BAIAP2L1: variants seen among roughly 807,000 people sequenced by gnomAD.
BAIAP2L1 encodes the protein BAR/IMD domain containing adaptor protein 2 like 1.
A neutral mutation model predicts 66.3 loss-of-function variants in BAIAP2L1; 35 were observed. That is an observed-to-expected ratio of 0.53 (90% CI 0.40 to 0.70). The LOEUF (loss-of-function observed/expected upper bound fraction) is 0.70, where lower values mean the gene tolerates loss of function less well. Ranked by LOEUF, BAIAP2L1 falls within the 30% of genes least tolerant of loss-of-function variation. The pLI, the probability that BAIAP2L1 is intolerant of heterozygous loss-of-function variation, is 0.00. For missense variants in BAIAP2L1, 622 were observed against 656.9 expected (o/e 0.95, Z 0.58); for synonymous variants, 269 against 248.7 (o/e 1.08, Z -0.77).
intron 3 of BAIAP2L1, among the ~76,000 whole-genome samples, chr7:98,321,693 T>C (rs1042081544): frequency 6.6e-6 from 1 of 151,996 alleles, no homozygotes; most frequent in Non-Finnish European, 1.5e-5. Context: ...ACCTAAGAAA[T>C]GGAGAAACAC....
At chr7:98,352,055 T>C (rs988816501) in intron 3 of BAIAP2L1, among the ~76,000 whole-genome samples, 4 of 151,458 alleles carry the variant, frequency 2.6e-5, no homozygotes, top group African/African-American at 9.7e-5. Flanking sequence ...TCTTGGAAGA[T>C]GAGAAAAATA....
chr7:98,312,715 G>A (rs1234214990), intron 7 of BAIAP2L1, among the ~76,000 whole-genome samples: 1 of 151,618 alleles, frequency 6.6e-6, no homozygotes, highest in South Asian at 2.1e-4. Context: ...TTAGAGAAGT[G>A]AATCAGACAC....
intron 1 of BAIAP2L1, among the ~76,000 whole-genome samples, chr7:98,383,720 G>A (rs1189759466): frequency 5.9e-5 from 9 of 152,230 alleles, no homozygotes; most frequent in African/African-American, 1.7e-4. Flanking sequence ...GTGTACTTAC[G>A]TTTCATTCCA....
chr7:98,296,883 C>T (rs948734926), intron 12 of BAIAP2L1, among the ~76,000 whole-genome samples: 3 of 152,304 alleles, frequency 2.0e-5, no homozygotes, highest in Admixed American at 6.5e-5. Context: ...ATCCTCCCTG[C>T]GTCCCTGTCT....
chr7:98,313,678 G>C (rs914571419), intron 7 of BAIAP2L1, among the ~76,000 whole-genome samples: 7 of 152,104 alleles, frequency 4.6e-5, no homozygotes, highest in South Asian at 2.1e-4. Context: ...GAGTGCACTG[G>C]CACAATCACA....
At chr7:98,299,298 T>C (rs66548074) in intron 12 of BAIAP2L1, among the ~76,000 whole-genome samples, 61,143 of 151,940 alleles carry the variant, frequency 0.4, 13,414 homozygotes, top group Middle Eastern at 0.54. Context: ...GGATTACAGG[T>C]GTGAGCCACC....
intron 1 of BAIAP2L1, among the ~76,000 whole-genome samples, chr7:98,383,663 T>C (rs1377286665): frequency 1.3e-5 from 2 of 152,190 alleles, no homozygotes; most frequent in Non-Finnish European, 2.9e-5. Context: ...CCTCTTTGTG[T>C]AAGTTTGTGC....
intron 3 of BAIAP2L1, among the ~76,000 whole-genome samples, chr7:98,334,555 G>GT (rs546166849): frequency 8.6e-4 from 130 of 151,956 alleles, no homozygotes; most frequent in African/African-American, 3.1e-3. Flanking sequence ...AGGGGTTTTT[G>GT]TTTTTTTGAG....
At position 98,293,095 on chromosome 7, in the gene BAIAP2L1, C is replaced by A; in HGVS notation, c.*426G>T. The A allele has an allele frequency of 2.0e-6, 1 of 502,226 alleles. No homozygotes were observed. Among genetic ancestry groups the A allele is most frequent in the Non-Finnish European group, 2.7e-6 (1 of 371,520 alleles). 31.1% of individuals were successfully genotyped at this position (502,226 alleles called of 1,614,324 possible). On this transcript the variant is annotated 3_prime_UTR_variant, in exon 14 of 14. Coordinates refer to ENST00000005260, the MANE Select transcript of BAIAP2L1 (RefSeq NM_018842.5). ...GCTAAGATGCAAACTTACGTGATATCTTCTTTAGACATAATGCTATTAAGA... is the reference window on the plus strand; with the variant it reads ...GCTAAGATGCAAACTTACGTGATATATTCTTTAGACATAATGCTATTAAGA...
intron 5 of BAIAP2L1, 92 bp from the exon 6 acceptor site, chr7:98,317,448 C>T: frequency 6.7e-7 from 1 of 1,496,936 alleles, no homozygotes; most frequent in Non-Finnish European, 9.1e-7. Context: ...GTGTGTGGCT[C>T]AACGGGGCCC....
Position 98,293,501 on chromosome 7 carries a change from G to C in BAIAP2L1, c.*20C>G, listed in dbSNP as rs780253951. 3.8e-5 allele frequency: 61 copies of C among 1,608,398 alleles called. No individual in the cohort carries two copies. In the South Asian group the frequency reaches 4.1e-4, roughly 11 times the overall value. ...GCAAGGGAGAACCGGAGAGGCCCGG[G>C]AGAGTCCTTGGCTGTCCTCTCATCG... On this transcript the variant is annotated 3_prime_UTR_variant, in exon 14 of 14. Transcript: ENST00000005260.
At chr7:98,307,250 C>A (rs939682544) in intron 10 of BAIAP2L1, 1 of 304,984 alleles carries the variant, frequency 3.3e-6, no homozygotes, top group African/African-American at 2.3e-5. Context: ...GGATTACAGG[C>A]GCCTGCCACC....
chr7:98,371,044 T>C (rs1802501104), intron 1 of BAIAP2L1, among the ~76,000 whole-genome samples: 1 of 152,220 alleles, frequency 6.6e-6, no homozygotes, highest in Admixed American at 6.5e-5. Flanking sequence ...TGTGAAGACC[T>C]GAATTGTTAA....
At chr7:98,389,251 G>T (rs969719837) in intron 1 of BAIAP2L1, among the ~76,000 whole-genome samples, 5 of 152,064 alleles carry the variant, frequency 3.3e-5, no homozygotes, top group Non-Finnish European at 5.9e-5. Context: ...GTAGCTGGTG[G>T]TTGGATCTGT....
chr7:98,355,012 G>C (rs762886023), intron 3 of BAIAP2L1, 30 bp downstream of exon 3: 3 of 1,541,970 alleles, frequency 1.9e-6, no homozygotes, highest in Non-Finnish European at 2.7e-6. Context: ...TGACAAGTGG[G>C]GTTTATGTAT....
At chr7:98,396,399 T>C (rs904438814) in intron 1 of BAIAP2L1, among the ~76,000 whole-genome samples, 2 of 152,142 alleles carry the variant, frequency 1.3e-5, no homozygotes, top group African/African-American at 4.8e-5. Flanking sequence ...GTTCAAAACA[T>C]GCCAATGATG....
chr7:98,387,802 A>T (rs1802933023), intron 1 of BAIAP2L1, among the ~76,000 whole-genome samples: 2 of 152,062 alleles, frequency 1.3e-5, no homozygotes, highest in African/African-American at 4.8e-5. Flanking sequence ...TAGGAGTTGG[A>T]GGCTGCAATA....
intron 1 of BAIAP2L1, among the ~76,000 whole-genome samples, chr7:98,380,273 T>C (rs1336146611): frequency 6.6e-6 from 1 of 151,982 alleles, no homozygotes; most frequent in African/African-American, 2.4e-5. Context: ...AGATGGGCTC[T>C]TGCCATGTTG....
Position 98,312,267 on chromosome 7 carries a change from G to T in BAIAP2L1, c.640-3C>A. ...TTGGAATTCAGTAGTTCTGCAGACT[G>T]CAAAGCCAAAAGAAGAAGACTAAAG... is the stretch of plus-strand genomic sequence containing the variant. On this transcript the variant is annotated splice_region_variant and splice_polypyrimidine_tract_variant and intron_variant, in intron 7 of 13. Transcript: ENST00000005260. 1 of 1,598,624 alleles carries T rather than the reference G, an allele frequency of 6.3e-7. No homozygotes were observed. Among genetic ancestry groups the T allele is most frequent in the Non-Finnish European group, 8.5e-7 (1 of 1,175,000 alleles).
Sources: allele counts gnomAD v4.1 joint callset (sites outside exome capture counted in the v4.1 genomes callset), GRCh38; gene constraint gnomAD v4.1.1; transcripts MANE v1.5; gene names NCBI Gene and HGNC (gene_info 2026-07-23, HGNC 2026-07-21).